TNR: variants seen among roughly 807,000 people sequenced by gnomAD.
TNR encodes tenascin-R.
Under a neutral mutation model 150.4 loss-of-function variants are expected in TNR, and 45 were observed. The ratio of observed to expected loss-of-function variants is 0.30; its 90% CI spans 0.24 to 0.38. The LOEUF (loss-of-function observed/expected upper bound fraction) is 0.38. Ranked by LOEUF, TNR falls within the 10% of genes least tolerant of loss-of-function variation. The pLI is 1.00. For missense variants in TNR, 1,544 were observed against 1,759.1 expected, an observed-to-expected ratio of 0.88 and a Z score of 2.19; for synonymous variants, 687 against 678.4, an observed-to-expected ratio of 1.01 and a Z score of -0.20.
chr1:175,334,782 G>A (rs1326641380), intron 20 of TNR, among the ~76,000 whole-genome samples: 3 of 152,220 alleles, frequency 2.0e-5, no homozygotes, highest in Non-Finnish European at 4.4e-5. Flanking sequence ...AGATTGATTT[G>A]AGTAATAACT....
At chr1:175,480,419 A>AAAAGAAAGAAAGAAAG (rs200828309) in intron 2 of TNR, among the ~76,000 whole-genome samples, 4,012 of 110,878 alleles carry the variant, frequency 0.036, 76 homozygotes, top group African/African-American at 0.045. Flanking sequence ...AAAGAAAGAA[A>AAAAGAAAGAAAGAAAG]AAAGAAAGAA....
rs143883293 is a variant in TNR at position 175,603,335 on chromosome 1, C to T, written c.-164-74966G>A. 1.4e-3 allele frequency among the ~76,000 whole-genome samples: 209 copies of T among 152,310 alleles called. 1 individual carries two copies. The highest frequency in any genetic ancestry group is 4.9e-3 in the African/African-American group (203 of 41,558). On this transcript the variant is annotated intron_variant, in intron 1 of 22. Coordinates refer to ENST00000367674, the MANE Select transcript of TNR (RefSeq NM_003285.3). ...ATCAGTAAAGTGAGTTTGCTTCAAGCCCAGGCATTCCTCCTCCCAAAGGAA... is the reference window on the plus strand; with the variant it reads ...ATCAGTAAAGTGAGTTTGCTTCAAGTCCAGGCATTCCTCCTCCCAAAGGAA...
intron 1 of TNR, among the ~76,000 whole-genome samples, chr1:175,707,221 T>C (rs1666867201): frequency 6.6e-6 from 1 of 152,166 alleles, no homozygotes. Flanking sequence ...CAAGCAGAAA[T>C]CATTGGCTCA....
At chr1:175,673,868 G>A (rs1290729727) in intron 1 of TNR, among the ~76,000 whole-genome samples, 2 of 152,238 alleles carry the variant, frequency 1.3e-5, no homozygotes, top group African/African-American at 4.8e-5. Context: ...TGCACCCAAA[G>A]AACAAGAAAC....
chr1:175,643,218 A>G (rs1237822087), intron 1 of TNR, among the ~76,000 whole-genome samples: 2 of 152,186 alleles, frequency 1.3e-5, no homozygotes, highest in Admixed American at 6.5e-5. Flanking sequence ...CCAATTCCAT[A>G]ATCACTCCTG....
At chr1:175,424,882 G>T (rs1654905812) in intron 2 of TNR, among the ~76,000 whole-genome samples, 1 of 152,052 alleles carries the variant, frequency 6.6e-6, no homozygotes, top group Non-Finnish European at 1.5e-5. Flanking sequence ...AAGAGCTTCA[G>T]ATACTTGGAA....
chr1:175,659,897 AT>A (rs34472359), intron 1 of TNR, among the ~76,000 whole-genome samples: 10,558 of 111,738 alleles, frequency 0.094, 630 homozygotes, highest in African/African-American at 0.23. Context: ...TTTGGGTGTC[AT>A]TTTTTTTTTT....
chr1:175,403,616 C>T lies in TNR; in HGVS notation c.500G>A (p.Gly167Glu), dbSNP rs781746141. 91 of 1,608,250 alleles carry T rather than the reference C, an allele frequency of 5.7e-5. No individual in the cohort carries two copies. Among genetic ancestry groups the T allele is most frequent in the Non-Finnish European group, 7.4e-5 (87 of 1,176,376 alleles). Residue 167 changes from glycine (G) to glutamate (E), a missense_variant and splice_region_variant, in exon 4 of 23, where the codon GGA (glycine) becomes GAA (glutamate). By Grantham distance (98) the Gly-to-Glu change is moderately conservative (BLOSUM62 -2). Transcript: ENST00000367674. ...ANCCQESAAT[G>E]QLDYIPHCSG... ...GCAGTGAGGGATATAGTCCAGTTGTCCTGGAATGGTCAAGGAGAAGGTCAA... is the reference window on the plus strand; with the variant it reads ...GCAGTGAGGGATATAGTCCAGTTGTTCTGGAATGGTCAAGGAGAAGGTCAA...
intron 22 of TNR, among the ~76,000 whole-genome samples, chr1:175,323,773 A>C (rs1649198303): frequency 6.6e-6 from 1 of 152,156 alleles, no homozygotes; most frequent in Non-Finnish European, 1.5e-5. Flanking sequence ...TGGTTGTGAA[A>C]TCCCAACAGG....
chr1:175,408,134 G>T (rs1194592245), intron 2 of TNR, among the ~76,000 whole-genome samples: 1 of 152,166 alleles, frequency 6.6e-6, no homozygotes, highest in Non-Finnish European at 1.5e-5. Context: ...TAGACCGTGG[G>T]TTTCCTTTGC....
intron 1 of TNR, among the ~76,000 whole-genome samples, chr1:175,717,535 C>T (rs1420388072): frequency 6.6e-6 from 1 of 152,256 alleles, no homozygotes; most frequent in East Asian, 1.9e-4. Context: ...AAATTAAGTG[C>T]TTAATAAGTG....
chr1:175,376,796 G>A (rs1298267929), intron 9 of TNR, among the ~76,000 whole-genome samples: 1 of 150,580 alleles, frequency 6.6e-6, no homozygotes, highest in Non-Finnish European at 1.5e-5. Flanking sequence ...TAAGCTATTT[G>A]CCTCATAAAT....
intron 2 of TNR, among the ~76,000 whole-genome samples, chr1:175,417,055 G>GAAATAAAT (rs1232273551): frequency 1.9e-5 from 2 of 103,736 alleles, no homozygotes; most frequent in East Asian, 3.1e-4. Context: ...AAGAAAGAAA[G>GAAATAAAT]AAAGAAAGAA....
At chr1:175,685,750 C>A (rs190359046) in intron 1 of TNR, among the ~76,000 whole-genome samples, 1 of 152,156 alleles carries the variant, frequency 6.6e-6, no homozygotes, top group African/African-American at 2.4e-5. Flanking sequence ...GGTCCCAAAT[C>A]ATCCCCCCAA....
At chr1:175,642,179 C>G (rs1558050719) in intron 1 of TNR, among the ~76,000 whole-genome samples, 1 of 152,114 alleles carries the variant, frequency 6.6e-6, no homozygotes, top group Non-Finnish European at 1.5e-5. Flanking sequence ...AAGAACACTT[C>G]CCCCACCACC....
chr1:175,442,307 A>G (rs923011834), intron 2 of TNR, among the ~76,000 whole-genome samples: 1 of 151,680 alleles, frequency 6.6e-6, no homozygotes, highest in Admixed American at 6.6e-5. Flanking sequence ...GGACAAGACG[A>G]CCCCCCATCA....
intron 2 of TNR, among the ~76,000 whole-genome samples, chr1:175,494,983 T>C (rs917842828): frequency 6.6e-6 from 1 of 152,214 alleles, no homozygotes; most frequent in African/African-American, 2.4e-5. Flanking sequence ...AGACCCTTCA[T>C]GTACAGGAGA....
intron 1 of TNR, among the ~76,000 whole-genome samples, chr1:175,589,393 T>G (rs1349453374): frequency 6.6e-6 from 1 of 152,128 alleles, no homozygotes; most frequent in Non-Finnish European, 1.5e-5. Context: ...TATGGACACT[T>G]TGGATAATTA....
chr1:175,506,078 A>C (rs1274780193), intron 2 of TNR, among the ~76,000 whole-genome samples: 1 of 152,204 alleles, frequency 6.6e-6, no homozygotes, highest in Non-Finnish European at 1.5e-5. Flanking sequence ...AATGATGAGC[A>C]CAATAATTAC....
Sources: allele counts gnomAD v4.1 joint callset (sites outside exome capture counted in the v4.1 genomes callset), GRCh38; gene constraint gnomAD v4.1.1; transcripts MANE v1.5; gene names NCBI Gene and HGNC (gene_info 2026-07-23, HGNC 2026-07-21).